The following PID1 variants were observed in gnomAD, a reference collection of about 807,000 sequenced individuals.
The protein encoded by PID1 is PTB-containing, cubilin and LRP1-interacting protein.
In PID1, 10 loss-of-function variants were observed where a neutral mutation model predicts 19.1. The ratio of observed to expected loss-of-function variants is 0.52; its 90% confidence interval spans 0.32 to 0.89. The LOEUF is 0.89. Ranked by LOEUF, PID1 falls within the 40% of genes least tolerant of loss-of-function variation. The probability of loss-of-function intolerance (pLI) is 0.03; values close to 1 mark genes in which losing one functional copy is unlikely to be tolerated. For missense variants in PID1, 248 were observed against 285.3 expected (o/e 0.87, Z 0.94); for synonymous variants, 130 against 116.0 (o/e 1.12, Z -0.78).
intron 1 of PID1, among the ~76,000 whole-genome samples, chr2:229,207,467 GCTTT>G (rs774640543): frequency 5.4e-4 from 81 of 149,642 alleles, no homozygotes; most frequent in Admixed American, 1.3e-3. Context: ...TTCTTCTCTT[GCTTT>G]CTTTGTTATC....
intron 2 of PID1, among the ~76,000 whole-genome samples, chr2:229,088,560 A>C (rs1212087594): frequency 6.6e-6 from 1 of 151,996 alleles, no homozygotes; most frequent in Non-Finnish European, 1.5e-5. Flanking sequence ...AATAAGAAAT[A>C]CTCTTTTGTT....
intron 2 of PID1, among the ~76,000 whole-genome samples, chr2:229,039,712 CACCGG>C (rs1327980258): frequency 6.6e-6 from 1 of 152,134 alleles, no homozygotes; most frequent in Non-Finnish European, 1.5e-5. Flanking sequence ...ATACCTCTCT[CACCGG>C]ACATACTAAT....
chr2:229,271,281 G>C lies in PID1; in HGVS notation c.-238C>G, dbSNP rs1038434283. On this transcript the variant is annotated 5_prime_UTR_variant, in exon 1 of 3. Coordinates refer to ENST00000392055, the MANE Select transcript of PID1 (RefSeq NM_001100818.2). ...CGGCTGTCCTGGCGCAGCTGCGAGAGGACTGCGCAGCTCCGCCCGGGCCCG... is the reference window on the plus strand; with the variant it reads ...CGGCTGTCCTGGCGCAGCTGCGAGACGACTGCGCAGCTCCGCCCGGGCCCG... 3.4e-6 allele frequency: 1 copy of C among 295,344 alleles called. No homozygotes were observed. 18.3% of individuals were successfully genotyped at this position (295,344 alleles called of 1,614,324 possible). A position where few individuals can be genotyped will look rare whatever the true frequency, so the allele number is the denominator to read the frequency against.
chr2:229,199,623 T>C (rs1691449563), intron 1 of PID1, among the ~76,000 whole-genome samples: 1 of 151,626 alleles, frequency 6.6e-6, no homozygotes, highest in African/African-American at 2.4e-5. Context: ...ATTGGATTTA[T>C]GAAATCTATA....
chr2:229,131,760 T>C (rs1689745721), intron 2 of PID1, among the ~76,000 whole-genome samples: 1 of 151,844 alleles, frequency 6.6e-6, no homozygotes, highest in Non-Finnish European at 1.5e-5. Flanking sequence ...ATGATGAAGA[T>C]CAGCCAAGCA....
intron 1 of PID1, among the ~76,000 whole-genome samples, chr2:229,226,887 C>A (rs961002533): frequency 1.3e-5 from 2 of 152,066 alleles, no homozygotes; most frequent in East Asian, 3.9e-4. Context: ...TGTTCTACTG[C>A]CACTGAAATA....
At chr2:229,056,040 A>G (rs1694093078) in intron 2 of PID1, among the ~76,000 whole-genome samples, 1 of 152,170 alleles carries the variant, frequency 6.6e-6, no homozygotes, top group South Asian at 2.1e-4. Flanking sequence ...AAGGCAAGTC[A>G]TTTGCAGACT....
At chr2:229,040,248 A>G (rs1235634229) in intron 2 of PID1, among the ~76,000 whole-genome samples, 1 of 152,028 alleles carries the variant, frequency 6.6e-6, no homozygotes, top group East Asian at 1.9e-4. Flanking sequence ...GTGAAAGCCC[A>G]TCTCTACTAA....
At chr2:229,267,260 C>G (rs1284791975) in intron 1 of PID1, among the ~76,000 whole-genome samples, 2 of 152,156 alleles carry the variant, frequency 1.3e-5, no homozygotes, top group Admixed American at 1.3e-4. Context: ...TGTGGAAGTG[C>G]TAGTACACAG....
chr2:229,136,938 T>C (rs1179416414), intron 2 of PID1, among the ~76,000 whole-genome samples: 1 of 152,214 alleles, frequency 6.6e-6, no homozygotes, highest in African/African-American at 2.4e-5. Flanking sequence ...AAATGAGCCA[T>C]AAACTAAAGT....
At chr2:229,238,087 C>G (rs980589191) in intron 1 of PID1, among the ~76,000 whole-genome samples, 1 of 152,130 alleles carries the variant, frequency 6.6e-6, no homozygotes, top group African/African-American at 2.4e-5. Context: ...TAGTTCCTTT[C>G]CATTTAATAT....
chr2:229,225,769 G>A (rs1229515380), intron 1 of PID1, among the ~76,000 whole-genome samples: 1 of 152,136 alleles, frequency 6.6e-6, no homozygotes, highest in Non-Finnish European at 1.5e-5. Context: ...TTCTTCGCAT[G>A]GTGACAGCAA....
At chr2:229,145,147 A>ATGTGTGTG (rs560967818) in intron 2 of PID1, among the ~76,000 whole-genome samples, 2,310 of 116,640 alleles carry the variant, frequency 0.02, 54 homozygotes, top group African/African-American at 0.041. Flanking sequence ...GTTTAAATAT[A>ATGTGTGTG]TGTATGTGTA....
At chr2:229,162,243 G>A (rs192947491) in intron 1 of PID1, among the ~76,000 whole-genome samples, 2 of 152,302 alleles carry the variant, frequency 1.3e-5, no homozygotes, top group African/African-American at 4.8e-5. Context: ...GCCATGCCCT[G>A]TATAATTTTA....
intron 2 of PID1, among the ~76,000 whole-genome samples, chr2:229,117,625 A>T (rs1003183038): frequency 6.6e-6 from 1 of 152,148 alleles, no homozygotes; most frequent in Non-Finnish European, 1.5e-5. Context: ...AAGCTCTTCT[A>T]AGACCAAGAC....
chr2:229,194,605 T>G (rs1559279540), intron 1 of PID1, among the ~76,000 whole-genome samples: 1 of 152,024 alleles, frequency 6.6e-6, no homozygotes, highest in African/African-American at 2.4e-5. Context: ...CTTTTAATCC[T>G]GAGCTTCATA....
chr2:229,138,256 G>A (rs1188260244), intron 2 of PID1, among the ~76,000 whole-genome samples: 1 of 152,164 alleles, frequency 6.6e-6, no homozygotes, highest in African/African-American at 2.4e-5. Flanking sequence ...AGGTGTAAAA[G>A]CTAGCACATC....
intron 2 of PID1, among the ~76,000 whole-genome samples, chr2:229,109,503 C>T (rs950559336): frequency 3.3e-5 from 5 of 152,174 alleles, no homozygotes; most frequent in Admixed American, 6.5e-5. Flanking sequence ...ACCTCCCACC[C>T]ACTGTTTTGC....
At chr2:229,164,616 G>A (rs542447384) in intron 1 of PID1, among the ~76,000 whole-genome samples, 1 of 152,280 alleles carries the variant, frequency 6.6e-6, no homozygotes, top group East Asian at 1.9e-4. Context: ...AACATGAACA[G>A]GGATGACCCT....
Sources: gnomAD v4.1 joint callset for allele counts (sites outside exome capture counted in the v4.1 genomes callset) on GRCh38, gnomAD v4.1.1 for gene constraint, MANE v1.5 for transcripts, NCBI Gene and HGNC (gene_info 2026-07-23, HGNC 2026-07-21) for gene names.